The following RANBP2 variants were observed in gnomAD, a reference collection of about 807,000 sequenced individuals.
The protein encoded by RANBP2 is RAN binding protein 2.
Under a neutral mutation model 303.6 loss-of-function variants are expected in RANBP2, and 57 were observed. The observed-to-expected ratio is 0.19, with a 90% CI of 0.15 to 0.23. RANBP2 has a LOEUF of 0.23. Among genes scored for constraint, RANBP2 ranks in the 10% least tolerant of loss-of-function variants. RANBP2 has a pLI of 1.00. For missense variants in RANBP2, 3,138 were observed against 3,780.8 expected (o/e 0.83, Z 4.46); for synonymous variants, 1,167 against 1,301.5 (o/e 0.90, Z 2.23).
At chr2:109,297,932 C>G in the RANBP2 span, among the ~76,000 whole-genome samples, 1 of 151,056 alleles carries the variant, frequency 6.6e-6, no homozygotes, top group Non-Finnish European at 1.5e-5. Context: ...GATGTGTGTT[C>G]CCCCCCCACC....
At chr2:109,575,391 T>C in the RANBP2 span, among the ~76,000 whole-genome samples, 2 of 152,240 alleles carry the variant, frequency 1.3e-5, no homozygotes. Context: ...AAGGCATACA[T>C]CAGTATCTAA....
At chr2:108,754,182 C>T (rs1676124423) in intron 15 of RANBP2, among the ~76,000 whole-genome samples, 1 of 151,930 alleles carries the variant, frequency 6.6e-6, no homozygotes, top group Non-Finnish European at 1.5e-5. Flanking sequence ...GGTATATGCT[C>T]TTAAAAAGTA....
At chr2:109,536,786 A>G in the RANBP2 span, among the ~76,000 whole-genome samples, 4 of 152,266 alleles carry the variant, frequency 2.6e-5, no homozygotes, top group East Asian at 5.8e-4. Context: ...AGGTAATTGA[A>G]TCATGGGGAC....
chr2:109,024,492 T>G, the RANBP2 span, among the ~76,000 whole-genome samples: 1 of 152,256 alleles, frequency 6.6e-6, no homozygotes, highest in Non-Finnish European at 1.5e-5. Flanking sequence ...GCAAAAATTC[T>G]AACAGTGAGA....
the RANBP2 span, among the ~76,000 whole-genome samples, chr2:109,123,142 G>GT: frequency 1.3e-5 from 2 of 152,092 alleles, no homozygotes; most frequent in African/African-American, 4.8e-5. Flanking sequence ...TGGTGAATGC[G>GT]TGTGGCCATC....
the RANBP2 span, among the ~76,000 whole-genome samples, chr2:108,932,137 C>T: frequency 7.9e-5 from 12 of 152,188 alleles, no homozygotes; most frequent in African/African-American, 1.9e-4. Context: ...GCACAGGAAC[C>T]TTCCCTCCCT....
the RANBP2 span, among the ~76,000 whole-genome samples, chr2:109,429,857 G>A: frequency 2.6e-5 from 4 of 152,184 alleles, no homozygotes; most frequent in Non-Finnish European, 4.4e-5. Flanking sequence ...ATGCTCCCAG[G>A]CCACCAAGCT....
the RANBP2 span, among the ~76,000 whole-genome samples, chr2:108,874,993 G>A: frequency 6.6e-6 from 1 of 151,368 alleles, no homozygotes; most frequent in African/African-American, 2.4e-5. Flanking sequence ...TATTCATGAT[G>A]TGTTTGTAGC....
the RANBP2 span, chr2:109,130,159 G>A: frequency 1.6e-6 from 2 of 1,264,038 alleles, no homozygotes; most frequent in Non-Finnish European, 2.0e-6. Flanking sequence ...GTGGGAGTGT[G>A]TGGGTGGGTG....
At chr2:109,471,000 A>T in the RANBP2 span, among the ~76,000 whole-genome samples, 80 of 152,248 alleles carry the variant, frequency 5.3e-4, 1 homozygote, top group South Asian at 0.016. Context: ...AGGGCAGATC[A>T]CTTGAGGTCA....
the RANBP2 span, among the ~76,000 whole-genome samples, chr2:108,977,470 C>T: frequency 6.6e-6 from 1 of 152,190 alleles, no homozygotes; most frequent in African/African-American, 2.4e-5. Flanking sequence ...CGCGGTTTCA[C>T]TGTGTTCGCC....
At chr2:109,636,711 G>C in the RANBP2 span, among the ~76,000 whole-genome samples, 1 of 152,142 alleles carries the variant, frequency 6.6e-6, no homozygotes, top group Non-Finnish European at 1.5e-5. Flanking sequence ...GCTGAGGTGG[G>C]CGGATCTCCA....
At chr2:108,926,383 GTTGT>G in the RANBP2 span, among the ~76,000 whole-genome samples, 486 of 152,310 alleles carry the variant, frequency 3.2e-3, 4 homozygotes, top group African/African-American at 0.011. Context: ...CCTGGGATCT[GTTGT>G]TTAAGGACTG....
At chr2:109,370,268 C>T in the RANBP2 span, among the ~76,000 whole-genome samples, 2 of 150,422 alleles carry the variant, frequency 1.3e-5, no homozygotes, top group African/African-American at 4.9e-5. Flanking sequence ...AATATGGAGT[C>T]TCACTCTGTC....
At chr2:108,807,589 A>C in the RANBP2 span, among the ~76,000 whole-genome samples, 1 of 152,054 alleles carries the variant, frequency 6.6e-6, no homozygotes, top group African/African-American at 2.4e-5. Flanking sequence ...TAAAGCTAGA[A>C]CTTATTCCTC....
the RANBP2 span, among the ~76,000 whole-genome samples, chr2:108,874,788 T>G: frequency 2.6e-5 from 4 of 152,314 alleles, no homozygotes; most frequent in South Asian, 8.3e-4. Context: ...TGTCTTCCTT[T>G]TCTTGCAGAC....
chr2:109,268,952 C>T, the RANBP2 span, among the ~76,000 whole-genome samples: 1 of 152,088 alleles, frequency 6.6e-6, no homozygotes, highest in Non-Finnish European at 1.5e-5. Flanking sequence ...TATCTTTTTC[C>T]GTTTTCTGGG....
chr2:109,306,655 G>A, the RANBP2 span, among the ~76,000 whole-genome samples: 2 of 152,312 alleles, frequency 1.3e-5, no homozygotes, highest in East Asian at 3.9e-4. Context: ...GTTAGCAGTC[G>A]GTGGACCCCA....
the RANBP2 span, among the ~76,000 whole-genome samples, chr2:108,954,536 C>T: frequency 4.3e-4 from 65 of 152,246 alleles, no homozygotes; most frequent in African/African-American, 6.3e-4. Context: ...ACATGCTTTG[C>T]TCTTTTCATC....
Sources: gnomAD v4.1 joint callset for allele counts (sites outside exome capture counted in the v4.1 genomes callset) on GRCh38, gnomAD v4.1.1 for gene constraint, MANE v1.5 for transcripts, NCBI Gene and HGNC (gene_info 2026-07-23, HGNC 2026-07-21) for gene names.